IWS1: variants seen among roughly 807,000 people sequenced by gnomAD.
IWS1 encodes protein IWS1 homolog.
In IWS1, 27 loss-of-function variants were observed where a neutral mutation model predicts 86.7. That is an observed-to-expected ratio of 0.31 (90% CI 0.23 to 0.43). The LOEUF is 0.43. Ranked by LOEUF, IWS1 falls within the 20% of genes least tolerant of loss-of-function variation. The pLI is 1.00. For synonymous variants in IWS1, 313 were observed against 335.1 expected, an observed-to-expected ratio of 0.93 and a Z score of 0.72; for missense variants, 827 against 1,000.8, an observed-to-expected ratio of 0.83 and a Z score of 2.34.
chr2:127,523,551 A>T, intron 2 of IWS1, 125 bp downstream of exon 2: 1 of 631,946 alleles, frequency 1.6e-6, no homozygotes, highest in Non-Finnish European at 2.8e-6. Flanking sequence ...CTATTAACTT[A>T]TGCTCCTTTA....
At chr2:127,500,899 TAG>T (rs111893357) in intron 5 of IWS1, among the ~76,000 whole-genome samples, 2,307 of 152,320 alleles carry the variant, frequency 0.015, 57 homozygotes, top group African/African-American at 0.051. Context: ...GTGGTCACTT[TAG>T]AGACTACAAC....
chr2:127,524,100 G>A (rs923202243), intron 1 of IWS1, among the ~76,000 whole-genome samples: 3 of 152,082 alleles, frequency 2.0e-5, no homozygotes, highest in African/African-American at 4.8e-5. Flanking sequence ...TTCTCTCCAT[G>A]GCATTTATCA....
intron 13 of IWS1, among the ~76,000 whole-genome samples, chr2:127,483,936 T>C (rs1020857233): frequency 6.6e-6 from 1 of 151,272 alleles, no homozygotes; most frequent in African/African-American, 2.5e-5. Flanking sequence ...ATGAATAATG[T>C]TTCTCTTTGT....
At chr2:127,491,075 C>A (rs544507462) in intron 10 of IWS1, among the ~76,000 whole-genome samples, 1 of 152,110 alleles carries the variant, frequency 6.6e-6, no homozygotes, top group Non-Finnish European at 1.5e-5. Flanking sequence ...ACAAACATGG[C>A]GCTTGATTAC....
At chr2:127,485,333 G>A (rs1011123079) in intron 13 of IWS1, among the ~76,000 whole-genome samples, 4 of 152,162 alleles carry the variant, frequency 2.6e-5, no homozygotes, top group Non-Finnish European at 5.9e-5. Flanking sequence ...CAACAAAGGT[G>A]CCATTAGTCT....
At chr2:127,506,251 C>T (rs1024745082) in intron 2 of IWS1, among the ~76,000 whole-genome samples, 1 of 151,982 alleles carries the variant, frequency 6.6e-6, no homozygotes, top group Non-Finnish European at 1.5e-5. Flanking sequence ...ACCTGTAATC[C>T]CAGCTACTAG....
chr2:127,487,969 C>G (rs1690018647), intron 12 of IWS1: 1 of 152,438 alleles, frequency 6.6e-6, no homozygotes, highest in Non-Finnish European at 1.5e-5. Flanking sequence ...CCTTCCTAAA[C>G]AAACTTTTCC....
chr2:127,489,336 C>T lies in IWS1; in HGVS notation c.2160-101G>A, dbSNP rs1690091741. 1.3e-6 allele frequency: 1 copy of T among 757,838 alleles called. No individual in the cohort carries two copies. Among genetic ancestry groups the T allele is most frequent in the African/African-American group, 1.8e-5 (1 of 56,444 alleles). The allele number at this position is 757,838 out of a possible 1,614,324, so 46.9% of individuals were successfully genotyped here. A position where few individuals can be genotyped will look rare whatever the true frequency, so the allele number is the denominator to read the frequency against. On this transcript the variant is annotated intron_variant, in intron 11 of 13. Coordinates refer to ENST00000295321, the MANE Select transcript of IWS1 (RefSeq NM_017969.3). This position sits in a 1 kb window ranked among gnomAD's most constrained non-coding sequence, Gnocchi z 4.8. ...AAACTTAGACCATAACTATTAATAG[C>T]TCTTTTACGATGGATCAGGGAAAAT...
Position 127,486,633 on chromosome 2 carries a change from C to A in IWS1, c.2248G>T (p.Ala750Ser). The A allele has an allele frequency of 1.2e-6, 2 of 1,614,062 alleles. No homozygotes were observed. The highest frequency in any genetic ancestry group is 2.2e-5 in the East Asian group (1 of 44,876). ...GAAGGCATTGGGACCCTTGCACGGG[C>A]ACAGAATCCAGGATCTCCAGGTCTA... is the stretch of plus-strand genomic sequence containing the variant. ...ALRPGDPGFC[A>S]RARVPMPSNK... The change falls in exon 13 of 14, where the codon GCC becomes TCC. Residue 750 changes from alanine (A) to serine (S), a missense_variant. By Grantham distance (99) the Ala-to-Ser change is moderately conservative (BLOSUM62 1). Coordinates refer to ENST00000295321, the MANE Select transcript of IWS1 (RefSeq NM_017969.3).
chr2:127,523,189 TAC>T (rs1301300018), intron 2 of IWS1, among the ~76,000 whole-genome samples: 3 of 152,122 alleles, frequency 2.0e-5, no homozygotes, highest in Admixed American at 2.0e-4. Context: ...CAGCCTGTGT[TAC>T]AGAGTCAGAC....
In IWS1 at chr2:127,504,667, C is replaced by T. The variant is rs1691016570; in HGVS notation, c.1219+17G>A. 2 of 1,555,998 alleles carry T rather than the reference C, an allele frequency of 1.3e-6. No homozygotes were observed. The highest frequency in any genetic ancestry group is 1.7e-6 in the Non-Finnish European group (2 of 1,146,276). Reference sequence around the variant, plus strand: ...ATGAATAAAGCCATTGATAAACAGCCCAAGGTAACTCCTTACATGCTTTCT... The same window carrying T: ...ATGAATAAAGCCATTGATAAACAGCTCAAGGTAACTCCTTACATGCTTTCT... On this transcript the variant is annotated intron_variant, in intron 3 of 13. Transcript: ENST00000295321.
At chr2:127,497,065 TACA>T (rs1241269871) in intron 6 of IWS1, among the ~76,000 whole-genome samples, 1 of 152,088 alleles carries the variant, frequency 6.6e-6, no homozygotes, top group Non-Finnish European at 1.5e-5. Context: ...ATGATATTGA[TACA>T]ACAACAAAAT....
Position 127,502,861 on chromosome 2 carries a change from G to T in IWS1, c.1421C>A (p.Ala474Glu). The T allele has an allele frequency of 6.5e-7, 1 of 1,527,594 alleles. No homozygotes were observed. Among genetic ancestry groups the T allele is most frequent in the Non-Finnish European group, 9.1e-7 (1 of 1,104,796 alleles). 94.6% of individuals were successfully genotyped at this position (1,527,594 alleles called of 1,614,324 possible). Residue 474 changes from alanine (A) to glutamate (E), a missense_variant, in exon 5 of 14, where the codon GCA (alanine) becomes GAA (glutamate). Ala to Glu is a moderately radical substitution (Grantham distance 107). Transcript: ENST00000295321. ...ESGNEEENLI[A>E]DIFGESGDEE... Reference sequence around the variant, plus strand: ...ATCACCAGATTCTCCAAATATGTCTGCAATAAGATTTCTAGAAAGTAGACA... The same window carrying T: ...ATCACCAGATTCTCCAAATATGTCTTCAATAAGATTTCTAGAAAGTAGACA...
intron 2 of IWS1, among the ~76,000 whole-genome samples, chr2:127,516,711 T>C (rs1691795322): frequency 6.6e-6 from 1 of 152,180 alleles, no homozygotes; most frequent in Non-Finnish European, 1.5e-5. Context: ...CAATGAGCCA[T>C]AATTTTTTCA....
At chr2:127,503,910 T>C (rs1690957654) in intron 3 of IWS1, among the ~76,000 whole-genome samples, 1 of 152,152 alleles carries the variant, frequency 6.6e-6, no homozygotes, top group African/African-American at 2.4e-5. Flanking sequence ...TGGGCAAAAC[T>C]GGCATCCTTT....
rs1437755638 is a variant in IWS1, at chr2:127,493,514, C to T, written c.1800-104G>A. ...ATGTTTCTAAAAACTGCTTTTAAAG[C>T]GTTACTCATATAAATTTGACATTTA... On this transcript the variant is annotated intron_variant, in intron 8 of 13. Coordinates refer to ENST00000295321, the MANE Select transcript of IWS1 (RefSeq NM_017969.3). 7 of 1,008,774 alleles carry T rather than the reference C, an allele frequency of 6.9e-6. No homozygotes were observed. The East Asian group carries it at 1.1e-4, about 16-fold the overall frequency. The allele number at this position is 1,008,774 out of a possible 1,614,324, so 62.5% of individuals were successfully genotyped here.
chr2:127,504,543 T>C, intron 3 of IWS1, 141 bp downstream of exon 3: 2 of 665,002 alleles, frequency 3.0e-6, no homozygotes, highest in Non-Finnish European at 5.1e-6. Flanking sequence ...CCAGGGGAAA[T>C]GAGTGTCCTA....
chr2:127,503,447 T>A lies in IWS1; in HGVS notation c.1349A>T (p.Asp450Val). The part of the protein sequence containing the change: ...SEEEAGKELS[D>V]KKNEEKDLFG... ...CAGATCCTTCTCTTCATTTTTCTTA[T>A]CAGACAATTCTTTCCCAGCTTCTTC... Residue 450 changes from aspartate to valine, a missense_variant, in exon 4 of 14, where the codon GAT becomes GTT. Physicochemically the swap from Asp to Val is radical, Grantham distance 152 (BLOSUM62 -3). Coordinates refer to ENST00000295321, the MANE Select transcript of IWS1 (RefSeq NM_017969.3). The A allele has an allele frequency of 6.2e-7, 1 of 1,613,586 alleles. No homozygotes were observed. The highest frequency in any genetic ancestry group is 8.5e-7 in the Non-Finnish European group (1 of 1,179,760).
At chr2:127,491,569 G>A (rs1038716279) in intron 10 of IWS1, among the ~76,000 whole-genome samples, 44 of 152,014 alleles carry the variant, frequency 2.9e-4, no homozygotes, top group Middle Eastern at 6.8e-3. Context: ...TCAGCCTCCC[G>A]AGTAGCTGGG....
Sources: gnomAD v4.1 joint callset for allele counts (sites outside exome capture counted in the v4.1 genomes callset) on GRCh38, gnomAD v4.1.1 for gene constraint, Gnocchi (gnomAD v3.1) non-coding constraint, MANE v1.5 for transcripts, NCBI Gene and HGNC (gene_info 2026-07-23, HGNC 2026-07-21) for gene names.